TMEM63C: variants seen among roughly 807,000 people sequenced by gnomAD.
TMEM63C encodes osmosensitive cation channel TMEM63C.
In TMEM63C, 32 loss-of-function variants were observed where a neutral mutation model predicts 99.2. The ratio of observed to expected loss-of-function variants is 0.32; its 90% CI spans 0.24 to 0.43. The LOEUF (loss-of-function observed/expected upper bound fraction) is 0.43. Among genes scored for constraint, TMEM63C ranks in the 20% least tolerant of loss-of-function variants. The probability of loss-of-function intolerance (pLI) is 1.00; values close to 1 mark genes in which losing one functional copy is unlikely to be tolerated. For missense variants in TMEM63C, 826 were observed against 1,053.0 expected (o/e 0.78, Z 2.98); for synonymous variants, 376 against 397.9 (o/e 0.94, Z 0.66).
At chr14:77,242,588 C>T (rs1035805584) in intron 14 of TMEM63C, 119 bp downstream of exon 14, 16 of 1,340,508 alleles carry the variant, frequency 1.2e-5, no homozygotes, top group Non-Finnish European at 1.4e-5. Flanking sequence ...GGACTAAGTT[C>T]CATGCTCTCC....
At chr14:77,243,266 G>A (rs904986436) in intron 15 of TMEM63C, among the ~76,000 whole-genome samples, 11 of 152,194 alleles carry the variant, frequency 7.2e-5, no homozygotes, top group African/African-American at 2.4e-4. Context: ...TAGGGACCAG[G>A]GCTAGAGTGG....
At chr14:77,248,292 T>A in intron 18 of TMEM63C, 55 bp from the exon 19 acceptor site, 2 of 1,510,694 alleles carry the variant, frequency 1.3e-6, no homozygotes, top group Non-Finnish European at 1.8e-6. Context: ...CCTTTTAACA[T>A]CTCTCCCTCT....
chr14:77,198,372 G>A (rs565268170), intron 1 of TMEM63C, among the ~76,000 whole-genome samples: 161 of 152,350 alleles, frequency 1.1e-3, no homozygotes, highest in African/African-American at 3.6e-3. Context: ...GCTGGGGCAG[G>A]ACAGAACAGC....
At chr14:77,186,805 G>GTGTGTGTGTC (rs1566614220) in intron 1 of TMEM63C, among the ~76,000 whole-genome samples, 1 of 150,604 alleles carries the variant, frequency 6.6e-6, no homozygotes, top group African/African-American at 2.5e-5. Flanking sequence ...GTGTGTCTGT[G>GTGTGTGTGTC]TGTGTGTGTG....
At chr14:77,248,560 T>C in intron 19 of TMEM63C, 51 bp downstream of exon 19, 1 of 1,554,046 alleles carries the variant, frequency 6.4e-7, no homozygotes. Context: ...TTTGGGAGGG[T>C]GTCAGGGATA....
intron 9 of TMEM63C, among the ~76,000 whole-genome samples, chr14:77,238,031 C>T (rs1889091167): frequency 6.6e-6 from 1 of 152,240 alleles, no homozygotes; most frequent in African/African-American, 2.4e-5. Flanking sequence ...AGTCTGGTGT[C>T]TGCTACTTCA....
rs112626881 is a variant in TMEM63C, at chr14:77,233,145, T to C, written c.494-307T>C. 4.7e-4 allele frequency among the ~76,000 whole-genome samples: 72 copies of C among 152,326 alleles called. 1 individual carries two copies. The highest frequency in any genetic ancestry group is 1.5e-3 in the African/African-American group (63 of 41,582). ...GTTGCTAATTTCATCATTCTGCTCG[T>C]GGCTGGATGGCTGGTGCCTCCAACA... On this transcript the variant is annotated intron_variant, in intron 7 of 23. Coordinates refer to ENST00000298351, the MANE Select transcript of TMEM63C (RefSeq NM_020431.4).
intron 18 of TMEM63C, among the ~76,000 whole-genome samples, chr14:77,247,028 G>A (rs939875664): frequency 1.3e-5 from 2 of 152,122 alleles, no homozygotes; most frequent in African/African-American, 4.8e-5. Context: ...ATTGACACTG[G>A]TCCATCCACA....
chr14:77,232,989 A>G (rs1331125609), intron 7 of TMEM63C, among the ~76,000 whole-genome samples: 1 of 152,218 alleles, frequency 6.6e-6, no homozygotes, highest in Non-Finnish European at 1.5e-5. Context: ...TGGCAGTGAT[A>G]ATATCATGCA....
chr14:77,204,656 C>T (rs1014317513), intron 1 of TMEM63C, among the ~76,000 whole-genome samples: 4 of 152,220 alleles, frequency 2.6e-5, no homozygotes, highest in African/African-American at 7.2e-5. Context: ...TCTGCTACGT[C>T]ATCCCGTAAA....
At chr14:77,218,724 A>G (rs1566622301) in intron 2 of TMEM63C, 77 bp from the exon 3 acceptor site, 3 of 1,497,174 alleles carry the variant, frequency 2.0e-6, no homozygotes, top group Non-Finnish European at 1.8e-6. Context: ...CCATCCCACA[A>G]CTCCCCATCG....
At chr14:77,201,797 C>T (rs768770442) in intron 1 of TMEM63C, among the ~76,000 whole-genome samples, 1 of 152,178 alleles carries the variant, frequency 6.6e-6, no homozygotes, top group East Asian at 1.9e-4. Context: ...CTGGGAGTAG[C>T]GGGGGCGGTT....
chr14:77,194,555 C>CTTTCTTTCTTTCTT (rs1888181540), intron 1 of TMEM63C, among the ~76,000 whole-genome samples: 1 of 17,928 alleles, frequency 5.6e-5, no homozygotes, highest in Non-Finnish European at 1.3e-4. Flanking sequence ...CTTTCTTTCT[C>CTTTCTTTCTTTCTT]TTTCTTTCTT....
intron 1 of TMEM63C, among the ~76,000 whole-genome samples, chr14:77,182,227 G>C (rs971999615): frequency 5.3e-5 from 8 of 152,118 alleles, no homozygotes; most frequent in African/African-American, 1.9e-4. Flanking sequence ...TGACAGCCAG[G>C]TGGGAGTTAC....
At chr14:77,240,957 T>G (rs1474947797) in intron 13 of TMEM63C, among the ~76,000 whole-genome samples, 1 of 121,766 alleles carries the variant, frequency 8.2e-6, no homozygotes, top group Non-Finnish European at 1.7e-5. Flanking sequence ...CTTTTTTTTT[T>G]TTTTTCTTTT....
intron 1 of TMEM63C, among the ~76,000 whole-genome samples, chr14:77,190,550 T>A (rs767799171): frequency 3.9e-5 from 6 of 152,188 alleles, no homozygotes; most frequent in Non-Finnish European, 5.9e-5. Flanking sequence ...CAGCATTATG[T>A]TACAAAAATG....
intron 1 of TMEM63C, among the ~76,000 whole-genome samples, chr14:77,209,950 G>T (rs1435296818): frequency 1.3e-5 from 2 of 152,086 alleles, no homozygotes; most frequent in Non-Finnish European, 2.9e-5. Context: ...GACCAGCTGG[G>T]GGTGGGGGCA....
At chr14:77,201,748 C>T (rs1306208227) in intron 1 of TMEM63C, among the ~76,000 whole-genome samples, 1 of 152,208 alleles carries the variant, frequency 6.6e-6, no homozygotes, top group East Asian at 1.9e-4. Flanking sequence ...TTCACTTTCC[C>T]ATAAACTAAC....
chr14:77,194,612 C>T (rs1169698449), intron 1 of TMEM63C, among the ~76,000 whole-genome samples: 1 of 148,076 alleles, frequency 6.8e-6, no homozygotes, highest in African/African-American at 2.5e-5. Context: ...CTTGCTCTGT[C>T]ACACACGCTG....
Sources: gnomAD v4.1 joint callset for allele counts (sites outside exome capture counted in the v4.1 genomes callset) on GRCh38, gnomAD v4.1.1 for gene constraint, MANE v1.5 for transcripts, NCBI Gene and HGNC (gene_info 2026-07-23, HGNC 2026-07-21) for gene names.